Variants in NUAK1 observed in about 807,000 individuals in gnomAD.
NUAK1 encodes NUAK family SNF1-like kinase 1.
Under a neutral mutation model 56.9 loss-of-function variants are expected in NUAK1, and 26 were observed. That is an observed-to-expected ratio of 0.46 (90% CI 0.33 to 0.63). The LOEUF is 0.63. Ranked by LOEUF, NUAK1 falls within the 30% of genes least tolerant of loss-of-function variation. The probability of loss-of-function intolerance (pLI) is 0.02; values close to 1 mark genes in which losing one functional copy is unlikely to be tolerated. For missense variants in NUAK1, 727 were observed against 876.1 expected (o/e 0.83, Z 2.15); for synonymous variants, 337 against 336.0 (o/e 1.00, Z -0.03).
At chr12:106,116,311 A>G (rs1487478861) in intron 1 of NUAK1, among the ~76,000 whole-genome samples, 1 of 152,112 alleles carries the variant, frequency 6.6e-6, no homozygotes, top group African/African-American at 2.4e-5. Flanking sequence ...CAAACGTGGA[A>G]TCCCTTCTTG....
Position 106,066,637 on chromosome 12 carries a change from C to A in NUAK1, c.*165G>T, listed in dbSNP as rs2032341743. 5.9e-6 allele frequency: 4 copies of A among 672,320 alleles called. No homozygotes were observed. Among genetic ancestry groups the A allele is most frequent in the Non-Finnish European group, 1.0e-5 (4 of 384,400 alleles). The allele number at this position is 672,320 out of a possible 1,614,324, so 41.6% of individuals were successfully genotyped here. ...AGAACTGGCAGAAGAGCCCACCTCT[C>A]CCTTTTAGGTGTTGGCTCAAGGCTG... On this transcript the variant is annotated 3_prime_UTR_variant, in exon 7 of 7. Transcript: ENST00000261402.
intron 2 of NUAK1, among the ~76,000 whole-genome samples, chr12:106,102,115 A>G (rs936150379): frequency 3.3e-5 from 5 of 152,230 alleles, no homozygotes; most frequent in Non-Finnish European, 7.3e-5. Context: ...TAAGAAATTA[A>G]AAGAAAGAAA....
chr12:106,080,545 G>A (rs537280136), intron 4 of NUAK1, among the ~76,000 whole-genome samples: 3 of 152,290 alleles, frequency 2.0e-5, no homozygotes, highest in South Asian at 2.1e-4. Context: ...TCTGCTGACC[G>A]ACTGTGTGAA....
rs536245746 is a variant in NUAK1 at position 106,126,082 on chromosome 12, A to C, written c.240+12332T>G. Among the ~76,000 whole-genome samples, 10 of 152,364 alleles carry C rather than the reference A, an allele frequency of 6.6e-5. No individual in the cohort carries two copies. The South Asian group carries it at 2.1e-3, about 32-fold the overall frequency. On this transcript the variant is annotated intron_variant, in intron 1 of 6. Coordinates refer to ENST00000261402, the MANE Select transcript of NUAK1 (RefSeq NM_014840.3). Reference sequence around the variant, plus strand: ...AGGCTGCCTAACGGATGTGTTTGATAGAAAGTAATAAAATTCTGAGAGATT... The same window carrying C: ...AGGCTGCCTAACGGATGTGTTTGATCGAAAGTAATAAAATTCTGAGAGATT...
chr12:106,105,179 C>T (rs1277977621), intron 2 of NUAK1, among the ~76,000 whole-genome samples: 1 of 152,130 alleles, frequency 6.6e-6, no homozygotes, highest in African/African-American at 2.4e-5. Context: ...TCTCGAACTC[C>T]TGACTTCAAG....
intron 4 of NUAK1, among the ~76,000 whole-genome samples, chr12:106,075,286 A>AACACAC (rs370123170): frequency 0.035 from 4,694 of 133,900 alleles, 111 homozygotes; most frequent in African/African-American, 0.062. Context: ...AGTATTAATC[A>AACACAC]ACACACACAC....
In NUAK1 at chr12:106,138,297, T is replaced by C; in HGVS notation, c.240+117A>G. Reference sequence around the variant, plus strand: ...AGGAGTCTGTCTCGGGGCTTCCCAATGAGCCCCCTCTCTGTCAAGAGAGCC... The same window carrying C: ...AGGAGTCTGTCTCGGGGCTTCCCAACGAGCCCCCTCTCTGTCAAGAGAGCC... On this transcript the variant is annotated intron_variant, in intron 1 of 6. Coordinates refer to ENST00000261402, the MANE Select transcript of NUAK1 (RefSeq NM_014840.3). This position sits in a 1 kb window ranked among gnomAD's most constrained non-coding sequence, Gnocchi z 5.0. 2 of 1,365,390 alleles carry C rather than the reference T, an allele frequency of 1.5e-6. No homozygotes were observed. Among genetic ancestry groups the C allele is most frequent in the Non-Finnish European group, 1.9e-6 (2 of 1,033,280 alleles). 84.6% of individuals were successfully genotyped at this position (1,365,390 alleles called of 1,614,324 possible).
chr12:106,121,792 C>T (rs114068022), intron 1 of NUAK1, among the ~76,000 whole-genome samples: 185 of 152,116 alleles, frequency 1.2e-3, no homozygotes, highest in African/African-American at 4.1e-3. Context: ...GAGGAACATC[C>T]CTCCTGAAAA....
At chr12:106,084,475 C>T (rs1334308781) in intron 3 of NUAK1, among the ~76,000 whole-genome samples, 1 of 152,222 alleles carries the variant, frequency 6.6e-6, no homozygotes, top group Admixed American at 6.5e-5. Flanking sequence ...GGAGAGAAGA[C>T]TCAGAAAGTC....
chr12:106,123,058 C>G (rs2032993650), intron 1 of NUAK1, among the ~76,000 whole-genome samples: 1 of 152,190 alleles, frequency 6.6e-6, no homozygotes, highest in Admixed American at 6.5e-5. Flanking sequence ...TGAAGACTCA[C>G]TATGTGTTAG....
Position 106,067,109 on chromosome 12 carries a change from C to G in NUAK1, c.1679G>C (p.Gly560Ala). The stretch of plus-strand genomic sequence containing the variant: ...AGGGCGGCTGTAGCTCCGGGAGAGG[C>G]CCTCGGCAGGGACACCAGGCTCTGA... ...SLSEPGVPAE[G>A]LSRSYSRPSS... is the part of the protein sequence containing the mutation. Residue 560 changes from glycine (G) to alanine (A), a missense_variant, in exon 7 of 7, where the codon GGC (glycine) becomes GCC (alanine). Gly to Ala is a moderately conservative substitution (Grantham distance 60, BLOSUM62 0). Transcript: ENST00000261402. The surrounding 1 kb of genome is among the most constrained non-coding windows in gnomAD (Gnocchi z 6.0). The G allele has an allele frequency of 1.2e-6, 2 of 1,614,204 alleles. No homozygotes were observed. Among genetic ancestry groups the G allele is most frequent in the Non-Finnish European group, 8.5e-7 (1 of 1,180,046 alleles).
At chr12:106,131,924 T>C (rs998671333) in intron 1 of NUAK1, among the ~76,000 whole-genome samples, 3 of 152,240 alleles carry the variant, frequency 2.0e-5, no homozygotes, top group African/African-American at 7.2e-5. Flanking sequence ...CCTGGGATCC[T>C]CTCATTCCTG....
intron 2 of NUAK1, among the ~76,000 whole-genome samples, chr12:106,090,391 T>C (rs1235500993): frequency 7.2e-5 from 11 of 152,164 alleles, no homozygotes; most frequent in Admixed American, 7.2e-4. Context: ...ATGAAGCTTC[T>C]TGAAGCCTTT....
At chr12:106,106,232 G>C in intron 2 of NUAK1, 173 bp downstream of exon 2, 1 of 551,258 alleles carries the variant, frequency 1.8e-6, no homozygotes, top group South Asian at 2.7e-5. Context: ...GCACTCATGT[G>C]TCTGGTTGTG....
At chr12:106,076,090 CAA>C (rs1409877643) in intron 4 of NUAK1, among the ~76,000 whole-genome samples, 2 of 152,132 alleles carry the variant, frequency 1.3e-5, no homozygotes, top group African/African-American at 4.8e-5. Context: ...TGCGGAAAGG[CAA>C]AAATCCATGA....
intron 1 of NUAK1, among the ~76,000 whole-genome samples, chr12:106,132,263 A>G (rs1235385933): frequency 2.0e-5 from 3 of 152,204 alleles, no homozygotes; most frequent in Non-Finnish European, 4.4e-5. Flanking sequence ...CCACAAATCT[A>G]AAGTTCCTTG....
At chr12:106,104,112 C>T (rs1007815124) in intron 2 of NUAK1, 4 of 149,848 alleles carry the variant, frequency 2.7e-5, no homozygotes, top group Admixed American at 6.6e-5. Context: ...GTTGCCCAGG[C>T]TGGAAAGCAA....
chr12:106,106,227 CAT>C (rs2032798358), intron 2 of NUAK1, 176 bp downstream of exon 2: 1 of 510,060 alleles, frequency 2.0e-6, no homozygotes, highest in African/African-American at 1.9e-5. Context: ...GAGCTGCACT[CAT>C]GTGTCTGGTT....
chr12:106,137,612 G>C (rs1417737227), intron 1 of NUAK1, among the ~76,000 whole-genome samples: 1 of 152,224 alleles, frequency 6.6e-6, no homozygotes, highest in Non-Finnish European at 1.5e-5. Flanking sequence ...GCACTCCTTG[G>C]AGCTGTGCAA....
Sources: gnomAD v4.1 joint callset for allele counts (sites outside exome capture counted in the v4.1 genomes callset) on GRCh38, gnomAD v4.1.1 for gene constraint, Gnocchi (gnomAD v3.1) non-coding constraint, MANE v1.5 for transcripts, NCBI Gene and HGNC (gene_info 2026-07-23, HGNC 2026-07-21) for gene names.